The following CAST variants were observed in gnomAD, a reference collection of about 807,000 sequenced individuals.
CAST encodes MIR583 host.
In CAST, 76 loss-of-function variants were observed where a neutral mutation model predicts 119.6. That is an observed-to-expected ratio of 0.64 (90% CI 0.53 to 0.77). The LOEUF is 0.77. Among genes scored for constraint, CAST ranks in the 30% least tolerant of loss-of-function variants. The pLI is 0.00. For missense variants in CAST, 953 were observed against 946.5 expected (o/e 1.01, Z -0.09); for synonymous variants, 319 against 331.6 (o/e 0.96, Z 0.41).
chr5:96,762,127 C>A, intron 24 of CAST, 147 bp from the exon 25 acceptor site: 2 of 454,760 alleles, frequency 4.4e-6, no homozygotes, highest in Admixed American at 3.9e-5. Flanking sequence ...ATTTAAATTT[C>A]TTTTAAAATT....
the CAST span, among the ~76,000 whole-genome samples, chr5:96,073,228 C>A: frequency 6.6e-6 from 1 of 152,080 alleles, no homozygotes; most frequent in Admixed American, 6.6e-5. Context: ...TCTGTGTGTA[C>A]AGACTTATGT....
At chr5:96,099,934 T>A in the CAST span, among the ~76,000 whole-genome samples, 2 of 152,206 alleles carry the variant, frequency 1.3e-5, no homozygotes, top group Non-Finnish European at 2.9e-5. Context: ...TCTGGTAGAA[T>A]TCAGCTGTGA....
chr5:96,205,806 G>A, the CAST span, among the ~76,000 whole-genome samples: 1 of 152,014 alleles, frequency 6.6e-6, no homozygotes, highest in Non-Finnish European at 1.5e-5. Flanking sequence ...ATAGTAGAAT[G>A]ATTTATATTC....
chr5:96,058,514 T>C, the CAST span, among the ~76,000 whole-genome samples: 1 of 146,306 alleles, frequency 6.8e-6, no homozygotes, highest in Non-Finnish European at 1.6e-5. Context: ...TCCAGGGAAA[T>C]TGACCTAAGA....
At chr5:96,241,405 A>G in the CAST span, among the ~76,000 whole-genome samples, 1 of 151,752 alleles carries the variant, frequency 6.6e-6, no homozygotes, top group Non-Finnish European at 1.5e-5. Flanking sequence ...TCAATTTTTT[A>G]TGGCTGCATA....
At chr5:96,323,261 G>C in the CAST span, among the ~76,000 whole-genome samples, 3 of 152,178 alleles carry the variant, frequency 2.0e-5, no homozygotes, top group African/African-American at 7.2e-5. Context: ...TTTTTTCAAA[G>C]ATGTTTTTAC....
the CAST span, chr5:96,425,866 G>A: frequency 6.2e-7 from 1 of 1,611,666 alleles, no homozygotes; most frequent in African/African-American, 1.3e-5. Flanking sequence ...GAGATTTAGT[G>A]CTGAGTCCCT....
chr5:96,389,754 G>A, the CAST span, among the ~76,000 whole-genome samples: 1 of 152,084 alleles, frequency 6.6e-6, no homozygotes, highest in African/African-American at 2.4e-5. Context: ...TGGGCAACAT[G>A]ACGAAACCTG....
the CAST span, among the ~76,000 whole-genome samples, chr5:96,504,266 C>G: frequency 6.6e-6 from 1 of 152,146 alleles, no homozygotes; most frequent in Non-Finnish European, 1.5e-5. Context: ...AAGACCTCAC[C>G]GGCACATCCA....
chr5:96,483,764 T>A, the CAST span, among the ~76,000 whole-genome samples: 1 of 152,194 alleles, frequency 6.6e-6, no homozygotes, highest in Non-Finnish European at 1.5e-5. Flanking sequence ...TAGCTCTATC[T>A]TGATTTATAG....
the CAST span, among the ~76,000 whole-genome samples, chr5:96,021,430 G>A: frequency 6.6e-6 from 1 of 152,038 alleles, no homozygotes; most frequent in African/African-American, 2.4e-5. Flanking sequence ...TTATTTATAA[G>A]ATCCTGTATT....
chr5:96,600,481 A>G (rs1747130189), intron 1 of CAST, among the ~76,000 whole-genome samples: 1 of 152,212 alleles, frequency 6.6e-6, no homozygotes, highest in Non-Finnish European at 1.5e-5. Flanking sequence ...CATTGATAAC[A>G]GGAGAAGTCA....
chr5:96,568,701 A>G (rs1181853489), intron 1 of CAST, among the ~76,000 whole-genome samples: 2 of 135,782 alleles, frequency 1.5e-5, no homozygotes, highest in Non-Finnish European at 1.7e-5. Context: ...CTTTGTGTGC[A>G]TATTTTTTTG....
the CAST span, among the ~76,000 whole-genome samples, chr5:96,359,698 A>G: frequency 2.0e-5 from 3 of 152,142 alleles, no homozygotes; most frequent in African/African-American, 7.2e-5. Flanking sequence ...CTGCAGAGAG[A>G]TTCACTGTTA....
the CAST span, among the ~76,000 whole-genome samples, chr5:96,413,963 CA>C: frequency 0.052 from 1,172 of 22,424 alleles, 12 homozygotes; most frequent in Middle Eastern, 0.11. Context: ...ACTAAAAATA[CA>C]AAAAAAAAAA....
chr5:96,136,070 C>T, the CAST span, among the ~76,000 whole-genome samples: 2 of 152,122 alleles, frequency 1.3e-5, no homozygotes, highest in African/African-American at 2.4e-5. Context: ...GAGTTATGCT[C>T]AACCTCTTTT....
At chr5:96,310,319 T>G in the CAST span, among the ~76,000 whole-genome samples, 2 of 152,212 alleles carry the variant, frequency 1.3e-5, no homozygotes, top group Admixed American at 1.3e-4. Context: ...AATGTGTAGT[T>G]GAATTTTGTT....
chr5:96,423,230 C>T, the CAST span: 4 of 1,335,346 alleles, frequency 3.0e-6, no homozygotes, highest in Non-Finnish European at 4.2e-6. Context: ...AGAGCAGCAT[C>T]CCCTTGAAAA....
the CAST span, among the ~76,000 whole-genome samples, chr5:96,315,320 A>G: frequency 6.6e-6 from 1 of 152,226 alleles, no homozygotes; most frequent in African/African-American, 2.4e-5. Flanking sequence ...ACCTTCTTTT[A>G]TATGACAACC....
Sources: gnomAD v4.1 joint callset for allele counts (sites outside exome capture counted in the v4.1 genomes callset) on GRCh38, gnomAD v4.1.1 for gene constraint, MANE v1.5 for transcripts, NCBI Gene and HGNC (gene_info 2026-07-23, HGNC 2026-07-21) for gene names.